TPD52L1: variants seen among roughly 807,000 people sequenced by gnomAD.
The protein encoded by TPD52L1 is tumor protein D53.
In TPD52L1, 18 loss-of-function variants were observed where a neutral mutation model predicts 28.7. That is an observed-to-expected ratio of 0.63 (90% confidence interval 0.43 to 0.93). TPD52L1 has a LOEUF of 0.93. Ranked by LOEUF, TPD52L1 falls within the 40% of genes least tolerant of loss-of-function variation. TPD52L1 has a pLI of 0.00. For synonymous variants in TPD52L1, 75 were observed against 88.8 expected (o/e 0.84, Z 0.88); for missense variants, 203 against 254.8 (o/e 0.80, Z 1.39).
rs529568728 is a variant in TPD52L1 at position 125,223,385 on chromosome 6, T to C, written c.135+3192T>C. Among the ~76,000 whole-genome samples the C allele has an allele frequency of 1.4e-3, 211 of 152,260 alleles. 1 individual carries two copies. Among genetic ancestry groups the C allele is most frequent in the Non-Finnish European group, 2.4e-3 (164 of 68,008 alleles). ...CTAAGCCAGTAGTGTCCAAAAGGCT[T>C]ACATCTTGGACAAATTCAGCATTTT... On this transcript the variant is annotated intron_variant, in intron 2 of 6. Transcript: ENST00000534000.
chr6:125,225,401 T>C (rs1208155359), intron 2 of TPD52L1, among the ~76,000 whole-genome samples: 1 of 152,218 alleles, frequency 6.6e-6, no homozygotes, highest in Non-Finnish European at 1.5e-5. Flanking sequence ...AAATTAATTC[T>C]GTGTTTAACT....
At chr6:125,204,527 T>C (rs1793990668) in intron 1 of TPD52L1, among the ~76,000 whole-genome samples, 1 of 152,110 alleles carries the variant, frequency 6.6e-6, no homozygotes, top group African/African-American at 2.4e-5. Context: ...TCGCCCAGGC[T>C]GGAGTGCAGT....
At chr6:125,245,543 C>G (rs1332622485) in intron 3 of TPD52L1, among the ~76,000 whole-genome samples, 1 of 152,136 alleles carries the variant, frequency 6.6e-6, no homozygotes, top group Non-Finnish European at 1.5e-5. Flanking sequence ...CAGGGATAGA[C>G]TCTCCTTGGG....
intron 3 of TPD52L1, among the ~76,000 whole-genome samples, chr6:125,231,902 TAAG>T: frequency 6.6e-6 from 1 of 152,154 alleles, no homozygotes; most frequent in Non-Finnish European, 1.5e-5. Context: ...GAAGATTCAG[TAAG>T]TTAATGTTCG....
intron 3 of TPD52L1, among the ~76,000 whole-genome samples, chr6:125,233,537 A>G (rs1295628114): frequency 6.6e-6 from 1 of 152,212 alleles, no homozygotes; most frequent in African/African-American, 2.4e-5. Flanking sequence ...CAAGGCAGGA[A>G]GTAGATTCTT....
At chr6:125,238,955 TTTTCATATAATGACTTC>T (rs1489530626) in intron 3 of TPD52L1, among the ~76,000 whole-genome samples, 3 of 152,224 alleles carry the variant, frequency 2.0e-5, no homozygotes. Flanking sequence ...GTAAGTGTCT[TTTTCATATAATGACTTC>T]TTTCCCTTTG....
At chr6:125,182,270 C>T (rs1792246919) in intron 1 of TPD52L1, among the ~76,000 whole-genome samples, 1 of 152,160 alleles carries the variant, frequency 6.6e-6, no homozygotes, top group Non-Finnish European at 1.5e-5. Context: ...GCATGTAGAG[C>T]CCAGGGAAAG....
intron 1 of TPD52L1, among the ~76,000 whole-genome samples, chr6:125,198,335 T>C (rs1464439147): frequency 1.3e-5 from 2 of 152,218 alleles, no homozygotes; most frequent in Non-Finnish European, 2.9e-5. Flanking sequence ...TAAGTGATTT[T>C]CAGCTACTTA....
At chr6:125,245,897 G>A (rs1459813011) in intron 3 of TPD52L1, among the ~76,000 whole-genome samples, 1 of 152,206 alleles carries the variant, frequency 6.6e-6, no homozygotes, top group Admixed American at 6.5e-5. Flanking sequence ...TGCCCACAGT[G>A]TTGGTAGCTC....
At position 125,248,329 on chromosome 6, in the gene TPD52L1, C is replaced by A. The variant is rs776407744; in HGVS notation, c.332C>A (p.Thr111Asn). ...ETLSHAGQKA[T>N]AAFSNVGTAI... ...CTGAGTCACGCAGGGCAAAAGGCAA[C>A]TGCAGCTTTCAGCAACGTTGGAACG... The change falls in exon 4 of 7, where the codon ACT becomes AAT. Residue 111 changes from threonine to asparagine, a missense_variant. By Grantham distance (65) the Thr-to-Asn change is moderately conservative. Transcript: ENST00000534000. The A allele has an allele frequency of 2.5e-6, 4 of 1,614,058 alleles. No individual in the cohort carries two copies. In the East Asian group the frequency reaches 6.7e-5, roughly 27 times the overall value.
intron 3 of TPD52L1, among the ~76,000 whole-genome samples, chr6:125,230,405 T>C (rs759571765): frequency 6.6e-6 from 1 of 152,190 alleles, no homozygotes; most frequent in Non-Finnish European, 1.5e-5. Flanking sequence ...AATTTCACCA[T>C]TAAGAAATTG....
At chr6:125,163,120 G>A (rs1045033317) in intron 1 of TPD52L1, among the ~76,000 whole-genome samples, 1 of 152,204 alleles carries the variant, frequency 6.6e-6, no homozygotes, top group Non-Finnish European at 1.5e-5. Context: ...GCAAAAAAGA[G>A]TTGAGAGTCG....
chr6:125,200,158 A>G (rs1401542202), intron 1 of TPD52L1, among the ~76,000 whole-genome samples: 1 of 152,198 alleles, frequency 6.6e-6, no homozygotes, highest in South Asian at 2.1e-4. Context: ...GAAAGAGAAC[A>G]TAGGCCTCTT....
chr6:125,257,645 A>G (rs533873147), intron 6 of TPD52L1, among the ~76,000 whole-genome samples: 2 of 152,336 alleles, frequency 1.3e-5, no homozygotes, highest in African/African-American at 4.8e-5. Context: ...TGGCTATCAT[A>G]GAGGGAAAAT....
chr6:125,203,344 T>C (rs1793915805), intron 1 of TPD52L1, among the ~76,000 whole-genome samples: 1 of 152,224 alleles, frequency 6.6e-6, no homozygotes, highest in Non-Finnish European at 1.5e-5. Flanking sequence ...TTCCCAAATT[T>C]GTGGCTGCTG....
chr6:125,216,257 G>T (rs1351623127), intron 1 of TPD52L1, among the ~76,000 whole-genome samples: 1 of 152,052 alleles, frequency 6.6e-6, no homozygotes, highest in East Asian at 1.9e-4. Flanking sequence ...CTGGGTGATA[G>T]TTTAGCAGTA....
intron 1 of TPD52L1, chr6:125,214,582 A>AT: frequency 8.5e-6 from 3 of 352,492 alleles, no homozygotes; most frequent in Non-Finnish European, 1.2e-5. Flanking sequence ...CTCAAAAAAA[A>AT]CTTTTTTCTG....
rs118073516 is a variant in TPD52L1, at chr6:125,231,793, T to C, written c.284+2527T>C. 8.9e-4 allele frequency among the ~76,000 whole-genome samples: 135 copies of C among 152,284 alleles called. 1 individual carries two copies. The East Asian group carries it at 0.015, about 17-fold the overall frequency. ...CTACTGAGTGAGTGTTGGAACTGTTTACGAGCATTGTGGTTAGGCTCATGG... is the reference window on the plus strand; with the variant it reads ...CTACTGAGTGAGTGTTGGAACTGTTCACGAGCATTGTGGTTAGGCTCATGG... On this transcript the variant is annotated intron_variant, in intron 3 of 6. Transcript: ENST00000534000.
intron 6 of TPD52L1, among the ~76,000 whole-genome samples, chr6:125,260,727 A>T (rs1562406992): frequency 6.6e-6 from 1 of 151,434 alleles, no homozygotes; most frequent in Non-Finnish European, 1.5e-5. Context: ...AATTGCTTGA[A>T]CCCAGGAGGC....
Sources: allele counts gnomAD v4.1 joint callset (sites outside exome capture counted in the v4.1 genomes callset), GRCh38; gene constraint gnomAD v4.1.1; transcripts MANE v1.5; gene names NCBI Gene and HGNC (gene_info 2026-07-23, HGNC 2026-07-21).